Variants in CCDC91 observed in about 807,000 individuals in gnomAD.
CCDC91 encodes the protein coiled-coil domain containing 91, also known as coiled-coil domain-containing protein 91.
Under a neutral mutation model 63.2 loss-of-function variants are expected in CCDC91, and 48 were observed. That is an observed-to-expected ratio of 0.76 (90% CI 0.60 to 0.97). The LOEUF is 0.97. Among genes scored for constraint, CCDC91 ranks in the 50% least tolerant of loss-of-function variants. The pLI, the probability that CCDC91 is intolerant of heterozygous loss-of-function variation, is 0.00. For missense variants in CCDC91, 500 were observed against 494.6 expected (o/e 1.01, Z -0.10); for synonymous variants, 167 against 165.8 (o/e 1.01, Z -0.06).
At chr12:28,193,368 C>T (rs1220806892) in intron 1 of CCDC91, among the ~76,000 whole-genome samples, 7 of 152,040 alleles carry the variant, frequency 4.6e-5, no homozygotes, top group African/African-American at 2.4e-5. Context: ...TTTGGGAGGC[C>T]GAGGTGGGCA....
rs867995747 is a variant in CCDC91, at chr12:28,518,865, A to G, written c.1216-30198A>G. ...GATAAGGATCCAGTTTCATTCTCCT[A>G]TGTGTAGCTTGCCAATTATCCCAGC... On this transcript the variant is annotated intron_variant, in intron 12 of 12. Coordinates refer to ENST00000536442, the MANE Select transcript of CCDC91 (RefSeq NM_018318.5). 2.0e-5 allele frequency among the ~76,000 whole-genome samples: 3 copies of G among 152,022 alleles called. No individual in the cohort carries two copies. The South Asian group carries it at 6.2e-4, about 32-fold the overall frequency.
chr12:28,339,207 A>G (rs556526106), intron 6 of CCDC91, among the ~76,000 whole-genome samples: 15 of 152,326 alleles, frequency 9.8e-5, no homozygotes, highest in African/African-American at 3.6e-4. Flanking sequence ...TGAAGCATGA[A>G]GGAAAGGGAG....
intron 8 of CCDC91, among the ~76,000 whole-genome samples, chr12:28,407,383 A>C (rs1245053596): frequency 6.6e-6 from 1 of 152,096 alleles, no homozygotes; most frequent in Non-Finnish European, 1.5e-5. Context: ...TCATGTATCT[A>C]TTTGTCAAAC....
At chr12:28,428,160 A>C (rs551194703) in intron 8 of CCDC91, among the ~76,000 whole-genome samples, 20 of 152,318 alleles carry the variant, frequency 1.3e-4, no homozygotes, top group African/African-American at 4.3e-4. Context: ...CATTATTCAC[A>C]GTGTTCACTG....
chr12:28,460,349 G>A (rs190727314), intron 11 of CCDC91, among the ~76,000 whole-genome samples: 3 of 152,092 alleles, frequency 2.0e-5, no homozygotes, highest in East Asian at 1.9e-4. Context: ...AAGTCAATTT[G>A]TGCTGAATTT....
intron 1 of CCDC91, among the ~76,000 whole-genome samples, chr12:28,198,649 A>AT (rs1433174769): frequency 1.3e-5 from 2 of 152,192 alleles, no homozygotes; most frequent in Non-Finnish European, 2.9e-5. Context: ...ATATTTAGAT[A>AT]TTTTAAGTTT....
intron 12 of CCDC91, among the ~76,000 whole-genome samples, chr12:28,500,186 G>A (rs926913921): frequency 4.2e-5 from 4 of 94,746 alleles, no homozygotes; most frequent in African/African-American, 9.4e-5. Context: ...ACTTTTTGAT[G>A]GGGTTTTTTT....
chr12:28,542,516 A>T (rs144154545), intron 12 of CCDC91, among the ~76,000 whole-genome samples: 167 of 152,204 alleles, frequency 1.1e-3, no homozygotes, highest in African/African-American at 3.7e-3. Flanking sequence ...TGAAGTCTTC[A>T]TGGAATGCGA....
In CCDC91 at chr12:28,273,071, T is replaced by G. The variant is rs1286038245; in HGVS notation, c.109+13629T>G. Among the ~76,000 whole-genome samples the G allele has an allele frequency of 3.4e-5, 5 of 148,296 alleles. No homozygotes were observed. The East Asian group carries it at 1.1e-3, about 31-fold the overall frequency. ...GTTCTCATTGTTCAGTTCCCACCTA[T>G]GAGTGAGAACATGCGGTGTTTGGTT... On this transcript the variant is annotated intron_variant, in intron 3 of 12. Transcript: ENST00000536442.
intron 6 of CCDC91, among the ~76,000 whole-genome samples, chr12:28,348,262 A>G (rs1942948258): frequency 6.6e-6 from 1 of 152,182 alleles, no homozygotes; most frequent in African/African-American, 2.4e-5. Flanking sequence ...CCACCAGGGA[A>G]TTTGCTCCAT....
intron 7 of CCDC91, among the ~76,000 whole-genome samples, chr12:28,374,261 T>C (rs1944807138): frequency 6.6e-6 from 1 of 152,166 alleles, no homozygotes; most frequent in South Asian, 2.1e-4. Flanking sequence ...TATGAAAGAC[T>C]CATGACATTC....
At chr12:28,331,183 C>T (rs1941476134) in intron 6 of CCDC91, among the ~76,000 whole-genome samples, 1 of 152,042 alleles carries the variant, frequency 6.6e-6, no homozygotes, top group South Asian at 2.1e-4. Flanking sequence ...TTTATTTCAC[C>T]TTGGTGATAA....
chr12:28,260,670 A>G (rs1017084346), intron 3 of CCDC91, among the ~76,000 whole-genome samples: 1 of 151,868 alleles, frequency 6.6e-6, no homozygotes, highest in African/African-American at 2.4e-5. Context: ...GTTAGCCACT[A>G]TGTCTGTTTG....
intron 8 of CCDC91, among the ~76,000 whole-genome samples, chr12:28,425,044 T>C (rs1280316255): frequency 1.3e-5 from 2 of 152,234 alleles, no homozygotes; most frequent in South Asian, 4.2e-4. Flanking sequence ...TAAAAACCTA[T>C]TGTGATTTTT....
chr12:28,193,456 C>T (rs574220330), intron 1 of CCDC91, among the ~76,000 whole-genome samples: 1 of 152,154 alleles, frequency 6.6e-6, no homozygotes, highest in African/African-American at 2.4e-5. Context: ...CAAAAATTAG[C>T]TGGGCGTGGT....
At chr12:28,236,668 T>C (rs1237462765) in intron 1 of CCDC91, 1 of 152,072 alleles carries the variant, frequency 6.6e-6, no homozygotes, top group Non-Finnish European at 1.5e-5. Context: ...AGACTATGTT[T>C]GAAAGCTGTA....
At chr12:28,468,973 TGGGTATCATA>T (rs1228024267) in intron 11 of CCDC91, among the ~76,000 whole-genome samples, 1 of 151,860 alleles carries the variant, frequency 6.6e-6, no homozygotes. Context: ...AGACCCTCAG[TGGGTATCATA>T]CTGAATGGGG....
At chr12:28,379,706 G>A (rs1945170926) in intron 7 of CCDC91, among the ~76,000 whole-genome samples, 1 of 152,146 alleles carries the variant, frequency 6.6e-6, no homozygotes, top group Non-Finnish European at 1.5e-5. Flanking sequence ...ACTGTTGGTG[G>A]GAGTGTATAT....
intron 11 of CCDC91, among the ~76,000 whole-genome samples, chr12:28,452,938 A>G (rs1949883502): frequency 6.6e-6 from 1 of 151,906 alleles, no homozygotes; most frequent in Non-Finnish European, 1.5e-5. Context: ...CATTGCAAAT[A>G]TATTAACCTT....
Sources: gnomAD v4.1 joint callset for allele counts (sites outside exome capture counted in the v4.1 genomes callset) on GRCh38, gnomAD v4.1.1 for gene constraint, MANE v1.5 for transcripts, NCBI Gene and HGNC (gene_info 2026-07-23, HGNC 2026-07-21) for gene names.